DMBX1: variants seen among roughly 807,000 people sequenced by gnomAD.
DMBX1 encodes the protein diencephalon/mesencephalon homeobox 1.
A neutral mutation model predicts 30.4 loss-of-function variants in DMBX1; 7 were observed. The ratio of observed to expected loss-of-function variants is 0.23; its 90% CI spans 0.13 to 0.43. The LOEUF (loss-of-function observed/expected upper bound fraction) is 0.43, where lower values mean the gene tolerates loss of function less well. Ranked by LOEUF, DMBX1 falls within the 20% of genes least tolerant of loss-of-function variation. DMBX1 has a pLI of 1.00. For synonymous variants in DMBX1, 222 were observed against 214.2 expected, an observed-to-expected ratio of 1.04 and a Z score of -0.32; for missense variants, 460 against 508.5, an observed-to-expected ratio of 0.90 and a Z score of 0.92.
chr1:46,492,277 A>T (rs1252167065), intron 2 of DMBX1, among the ~76,000 whole-genome samples: 1 of 152,250 alleles, frequency 6.6e-6, no homozygotes, highest in African/African-American at 2.4e-5. Context: ...CCCCTGTCCT[A>T]GCCACTTTCA....
chr1:46,496,559 G>A (rs2148482057), intron 2 of DMBX1, among the ~76,000 whole-genome samples: 1 of 152,344 alleles, frequency 6.6e-6, no homozygotes, highest in South Asian at 2.1e-4. Flanking sequence ...CAGGGACAAA[G>A]CTTCTTTTAA....
At chr1:46,496,327 T>C (rs1666024119) in intron 2 of DMBX1, among the ~76,000 whole-genome samples, 1 of 152,052 alleles carries the variant, frequency 6.6e-6, no homozygotes, top group Non-Finnish European at 1.5e-5. Context: ...TCACATCCTA[T>C]CCTCCCACTG....
intron 3 of DMBX1, among the ~76,000 whole-genome samples, 181 bp downstream of exon 3, chr1:46,507,345 C>G (rs1020810373): frequency 9.2e-5 from 14 of 152,328 alleles, no homozygotes; most frequent in Middle Eastern, 3.4e-3. Context: ...ATCCAGAGTG[C>G]CTTTTGTTTG....
chr1:46,508,570 A>C (rs1271784265), intron 3 of DMBX1, among the ~76,000 whole-genome samples: 1 of 152,168 alleles, frequency 6.6e-6, no homozygotes, highest in East Asian at 1.9e-4. Flanking sequence ...TGGTGGTGAC[A>C]TCAGCTCCTG....
chr1:46,512,595 A>T lies in DMBX1; in HGVS notation c.*101A>T. Reference sequence around the variant, plus strand: ...AGGAGTTAACTCCATGAGCCCAGGGATCCTAGGGCCTGGGGTCCTGTTCCC... The same window carrying T: ...AGGAGTTAACTCCATGAGCCCAGGGTTCCTAGGGCCTGGGGTCCTGTTCCC... On this transcript the variant is annotated 3_prime_UTR_variant, in exon 6 of 6. Coordinates refer to ENST00000360032, the MANE Select transcript of DMBX1 (RefSeq NM_172225.2). This position sits in a 1 kb window ranked among gnomAD's most constrained non-coding sequence, Gnocchi z 4.8. 1 of 1,324,936 alleles carries T rather than the reference A, an allele frequency of 7.5e-7. No individual in the cohort carries two copies. The highest frequency in any genetic ancestry group is 1.4e-5 in the South Asian group (1 of 70,348). 82.1% of individuals were successfully genotyped at this position (1,324,936 alleles called of 1,614,324 possible).
At position 46,512,338 on chromosome 1, in the gene DMBX1, C is replaced by A; in HGVS notation, c.978C>A (p.His326Gln). Reference sequence around the variant, plus strand: ...CCCTGTCAGCAGCCGCTGCTGCCCACCAGGGTGTGTGGGGGTCTCCTCTGC... The same window carrying A: ...CCCTGTCAGCAGCCGCTGCTGCCCAACAGGGTGTGTGGGGGTCTCCTCTGC... ...YQSLSAAAAA[H>Q]QGVWGSPLLP... Residue 326 changes from histidine (H) to glutamine (Q), a missense_variant, in exon 6 of 6, where the codon CAC becomes CAA. His to Gln is a conservative substitution (Grantham distance 24, BLOSUM62 0). Transcript: ENST00000360032. This position sits in a 1 kb window ranked among gnomAD's most constrained non-coding sequence, Gnocchi z 4.8. 6.2e-7 allele frequency: 1 copy of A among 1,613,968 alleles called. No individual in the cohort carries two copies. Among genetic ancestry groups the A allele is most frequent in the Admixed American group, 1.7e-5 (1 of 60,022 alleles).
rs1557783623 is a variant in DMBX1, at chr1:46,493,365, AGCTG to A, written c.-13+2584_-13+2587del. Among the ~76,000 whole-genome samples, 2 of 152,118 alleles carry A rather than the reference AGCTG, an allele frequency of 1.3e-5. No homozygotes were observed. Among genetic ancestry groups the A allele is most frequent in the Non-Finnish European group, 1.5e-5 (1 of 68,018 alleles). ...TTCCCTTTCTGTAAGAAGGGCACCG[AGCTG>A]GGCTCTCCAATGTCCAGCCCTCCCG... On this transcript the variant is annotated intron_variant, in intron 2 of 5. Transcript: ENST00000360032. The surrounding 1 kb of genome is among the most constrained non-coding windows in gnomAD (Gnocchi z 4.1).
chr1:46,506,665 A>G (rs1014720077), intron 2 of DMBX1, among the ~76,000 whole-genome samples: 2 of 152,194 alleles, frequency 1.3e-5, no homozygotes, highest in African/African-American at 4.8e-5. Context: ...CATGTTGCAG[A>G]TAGAGAAACT....
intron 2 of DMBX1, among the ~76,000 whole-genome samples, chr1:46,501,374 G>A (rs1041990082): frequency 6.6e-6 from 1 of 151,118 alleles, no homozygotes; most frequent in Non-Finnish European, 1.5e-5. Context: ...TCCACCTTCC[G>A]GGTTCAAGTG....
At chr1:46,492,804 G>A (rs1027397573) in intron 2 of DMBX1, among the ~76,000 whole-genome samples, 6 of 152,070 alleles carry the variant, frequency 3.9e-5, no homozygotes, top group African/African-American at 4.8e-5. Context: ...CACTAATCAC[G>A]TAAAACCCCT....
chr1:46,501,723 T>C (rs1365836214), intron 2 of DMBX1, among the ~76,000 whole-genome samples: 1 of 152,102 alleles, frequency 6.6e-6, no homozygotes, highest in Non-Finnish European at 1.5e-5. Context: ...CTTGCTATGT[T>C]GCCCAGGCTG....
chr1:46,511,720 C>T (rs1557790992), intron 5 of DMBX1, among the ~76,000 whole-genome samples: 1 of 151,514 alleles, frequency 6.6e-6, no homozygotes, highest in Non-Finnish European at 1.5e-5. Flanking sequence ...GGGACAGGGG[C>T]TGTGAGCTGA....
chr1:46,494,173 A>C (rs75880299), intron 2 of DMBX1, among the ~76,000 whole-genome samples: 7,449 of 152,362 alleles, frequency 0.049, 266 homozygotes, highest in Non-Finnish European at 0.071. Context: ...CAAGACTTGC[A>C]GTCAGGTCCC....
chr1:46,508,153 C>T (rs148465937), intron 3 of DMBX1, among the ~76,000 whole-genome samples: 2 of 152,228 alleles, frequency 1.3e-5, no homozygotes, highest in African/African-American at 4.8e-5. Flanking sequence ...CTGGTAAACC[C>T]ACATGGGCTC....
intron 2 of DMBX1, among the ~76,000 whole-genome samples, chr1:46,504,899 G>A (rs1429712640): frequency 6.6e-6 from 1 of 151,708 alleles, no homozygotes; most frequent in Non-Finnish European, 1.5e-5. Flanking sequence ...CTTGAGCAGT[G>A]GTTTGTAGTT....
At chr1:46,496,627 C>T (rs1452093396) in intron 2 of DMBX1, among the ~76,000 whole-genome samples, 2 of 152,244 alleles carry the variant, frequency 1.3e-5, no homozygotes, top group East Asian at 1.9e-4. Flanking sequence ...GTTCAGCCAG[C>T]CCCACAACAC....
intron 3 of DMBX1, among the ~76,000 whole-genome samples, chr1:46,509,985 A>G (rs1666323679): frequency 6.6e-6 from 1 of 152,116 alleles, no homozygotes; most frequent in African/African-American, 2.4e-5. Flanking sequence ...TCCTCCCTTG[A>G]CTAGACCTTG....
chr1:46,513,279 T>G lies in DMBX1; in HGVS notation c.*785T>G, dbSNP rs1266938795. The G allele has an allele frequency of 6.6e-6, 1 of 152,350 alleles. No homozygotes were observed. The highest frequency in any genetic ancestry group is 1.5e-5 in the Non-Finnish European group (1 of 68,140). 9.4% of individuals were successfully genotyped at this position (152,350 alleles called of 1,614,324 possible). On this transcript the variant is annotated 3_prime_UTR_variant, in exon 6 of 6. Transcript: ENST00000360032. ...TGCCTGCCTCCCTGCACCTGCGGCC[T>G]CTCTAGGAAGCTGTTCCTTTCTATG...
chr1:46,490,621 T>A (rs1324788003), intron 1 of DMBX1, among the ~76,000 whole-genome samples, 23 bp from the exon 2 acceptor site: 1 of 152,226 alleles, frequency 6.6e-6, no homozygotes, highest in African/African-American at 2.4e-5. Flanking sequence ...TGCCCGGGTC[T>A]GGCTTTGGTC....
Sources: allele counts gnomAD v4.1 joint callset (sites outside exome capture counted in the v4.1 genomes callset), GRCh38; gene constraint gnomAD v4.1.1; non-coding constraint Gnocchi (gnomAD v3.1); transcripts MANE v1.5; gene names NCBI Gene and HGNC (gene_info 2026-07-23, HGNC 2026-07-21).